Variants in OR51B5 observed in about 807,000 individuals in gnomAD.
The protein encoded by OR51B5 is olfactory receptor family 51 subfamily B member 5.
For synonymous variants in OR51B5, 186 were observed against 144.8 expected, an observed-to-expected ratio of 1.28 and a Z score of -2.04; for missense variants, 456 against 374.6, an observed-to-expected ratio of 1.22 and a Z score of -1.79.
chr11:5,348,666 T>C (rs1429448630), intron 1 of OR51B5, among the ~76,000 whole-genome samples: 2 of 152,132 alleles, frequency 1.3e-5, no homozygotes, highest in African/African-American at 2.4e-5. Flanking sequence ...CATCTTCTTT[T>C]GCCTGCTTTC....
At chr11:5,460,207 G>A (rs1851027164) in intron 1 of OR51B5, among the ~76,000 whole-genome samples, 1 of 152,158 alleles carries the variant, frequency 6.6e-6, no homozygotes, top group Non-Finnish European at 1.5e-5. Context: ...CATGGACACA[G>A]AGAAGGGAAC....
At chr11:5,370,496 T>C (rs1849431154) in intron 1 of OR51B5, among the ~76,000 whole-genome samples, 1 of 152,188 alleles carries the variant, frequency 6.6e-6, no homozygotes, top group Non-Finnish European at 1.5e-5. Flanking sequence ...TGCCAGAAAA[T>C]ATCTATTCTT....
downstream of OR51B5, chr11:5,340,686 A>G (rs1279742937): frequency 1.3e-5 from 2 of 152,188 alleles, no homozygotes. Flanking sequence ...AGGATAGTCT[A>G]CTGTAGTGGA....
chr11:5,354,138 C>T (rs574407267), intron 1 of OR51B5, among the ~76,000 whole-genome samples: 18 of 151,454 alleles, frequency 1.2e-4, no homozygotes, highest in Admixed American at 1.2e-3. Context: ...TGACCCATGT[C>T]TTTCTGTGTG....
intron 1 of OR51B5, chr11:5,468,552 G>C: frequency 7.4e-6 from 3 of 406,346 alleles, no homozygotes; most frequent in South Asian, 3.6e-5. Context: ...TGATGGAATA[G>C]ATAATTGGGT....
At chr11:5,449,324 G>C (rs1009067147) in intron 1 of OR51B5, 27 of 152,222 alleles carry the variant, frequency 1.8e-4, no homozygotes, top group African/African-American at 6.0e-4. Context: ...CAGAGACAGG[G>C]AAGAACTTGT....
At chr11:5,410,482 T>C (rs537409306) in intron 1 of OR51B5, among the ~76,000 whole-genome samples, 33 of 152,304 alleles carry the variant, frequency 2.2e-4, no homozygotes, top group Non-Finnish European at 4.7e-4. Context: ...CATAATGACT[T>C]TTCAATCAAC....
chr11:5,396,100 G>A (rs1849866068), intron 1 of OR51B5, among the ~76,000 whole-genome samples: 1 of 152,124 alleles, frequency 6.6e-6, no homozygotes, highest in South Asian at 2.1e-4. Context: ...TACAGATCTG[G>A]TCCCAGAGAC....
At chr11:5,393,494 C>G (rs1055211501) in intron 1 of OR51B5, among the ~76,000 whole-genome samples, 1 of 152,034 alleles carries the variant, frequency 6.6e-6, no homozygotes, top group African/African-American at 2.4e-5. Flanking sequence ...ATAGATTTCT[C>G]TATCTTTGCC....
rs1056935351 is a variant in OR51B5 at position 5,423,311 on chromosome 11, C to T, written n.85-76401G>A. ...GCATGGAATTTTTGGCTGAGGTGAG[C>T]TAGCAGCAGTGATTCTATGCAAAAG... On this transcript the variant is annotated intron_variant and non_coding_transcript_variant, in intron 1 of 4. Coordinates refer to the OR51B5 transcript ENST00000415970. The T allele has an allele frequency of 6.1e-6, 5 of 816,792 alleles. No individual in the cohort carries two copies. In the African/African-American group the frequency reaches 6.9e-5, roughly 11 times the overall value. 50.6% of individuals were successfully genotyped at this position (816,792 alleles called of 1,614,324 possible).
Position 5,342,651 on chromosome 11 carries a change from C to T in OR51B5, c.874G>A (p.Val292Ile), listed in dbSNP as rs148387535. 1.5e-5 allele frequency: 24 copies of T among 1,612,756 alleles called. No individual in the cohort carries two copies. The East Asian group carries it at 4.5e-4, about 30-fold the overall frequency. ...GCATTCTGAATCTGCTTGGTCTTGA[C>T]ACTATATGTTATAGGATTCATTAGT... The change falls in exon 1 of 1, where the codon GTC (valine) becomes ATC (isoleucine). Residue 292 changes from valine (V) to isoleucine (I), a missense_variant. Val to Ile is a conservative substitution (Grantham distance 29). Coordinates refer to ENST00000300773, the Ensembl canonical transcript of OR51B5.
intron 1 of OR51B5, among the ~76,000 whole-genome samples, chr11:5,349,100 G>A (rs1434757401): frequency 6.6e-6 from 1 of 152,132 alleles, no homozygotes; most frequent in Non-Finnish European, 1.5e-5. Flanking sequence ...TCTATTCTAT[G>A]ACAGAGACCC....
chr11:5,422,480 A>C, intron 1 of OR51B5: 1 of 1,614,112 alleles, frequency 6.2e-7, no homozygotes, highest in Non-Finnish European at 8.5e-7. Flanking sequence ...CGTTCGTAGA[A>C]TCAGCTCTGA....
At chr11:5,421,477 A>G (rs1850336549) in intron 1 of OR51B5, among the ~76,000 whole-genome samples, 1 of 152,252 alleles carries the variant, frequency 6.6e-6, no homozygotes. Context: ...ATAGTACTCA[A>G]TAAATGTGAT....
At chr11:5,411,385 T>C (rs1554888832) in intron 1 of OR51B5, among the ~76,000 whole-genome samples, 1 of 152,244 alleles carries the variant, frequency 6.6e-6, no homozygotes, top group Non-Finnish European at 1.5e-5. Context: ...CTGTACCATC[T>C]AGGCTTGTGT....
chr11:5,410,698 G>A (rs1421208578), intron 1 of OR51B5, among the ~76,000 whole-genome samples: 1 of 152,148 alleles, frequency 6.6e-6, no homozygotes, highest in Non-Finnish European at 1.5e-5. Context: ...GGAGATGACA[G>A]CTTCATGTAT....
intron 1 of OR51B5, among the ~76,000 whole-genome samples, chr11:5,374,539 A>G (rs28797193): frequency 0.11 from 16,835 of 152,240 alleles, 1,051 homozygotes; most frequent in South Asian, 0.15. Context: ...ACTCCGAGCT[A>G]CAGGAGGAAA....
chr11:5,437,520 CAGGATACTGA>C (rs1245035555), intron 1 of OR51B5, among the ~76,000 whole-genome samples: 1 of 152,162 alleles, frequency 6.6e-6, no homozygotes, highest in East Asian at 1.9e-4. Flanking sequence ...AGAAACATTC[CAGGATACTGA>C]AGGACCATGG....
upstream of OR51B5, among the ~76,000 whole-genome samples, chr11:5,344,148 G>A (rs1311788515): frequency 2.0e-5 from 3 of 152,146 alleles, no homozygotes; most frequent in South Asian, 2.1e-4. Flanking sequence ...AGACATTCAC[G>A]ATTAGTGTGA....
Sources: gnomAD v4.1 joint callset for allele counts (sites outside exome capture counted in the v4.1 genomes callset) on GRCh38, gnomAD v4.1.1 for gene constraint, MANE v1.5 for transcripts, NCBI Gene and HGNC (gene_info 2026-07-23, HGNC 2026-07-21) for gene names.